XKR4: variants seen among roughly 807,000 people sequenced by gnomAD.
The protein encoded by XKR4 is XK-related protein 4.
XKR4 carries 12 observed loss-of-function variants against 53.9 expected under a neutral mutation model. The ratio of observed to expected loss-of-function variants is 0.22; its 90% CI spans 0.14 to 0.36. XKR4 has a LOEUF of 0.36. Ranked by LOEUF, XKR4 falls within the 10% of genes least tolerant of loss-of-function variation. The probability of loss-of-function intolerance (pLI) is 1.00; values close to 1 mark genes in which losing one functional copy is unlikely to be tolerated. For missense variants in XKR4, 799 were observed against 859.5 expected, an observed-to-expected ratio of 0.93 and a Z score of 0.88; for synonymous variants, 354 against 362.4, an observed-to-expected ratio of 0.98 and a Z score of 0.26.
At chr8:55,152,725 A>G (rs1009096900) in intron 1 of XKR4, among the ~76,000 whole-genome samples, 1 of 152,210 alleles carries the variant, frequency 6.6e-6, no homozygotes, top group East Asian at 1.9e-4. Context: ...AAAAAAATCA[A>G]CTGATTTGTT....
chr8:55,459,866 G>T lies in XKR4; in HGVS notation c.1007-63415G>T, dbSNP rs1805624259. ...TCACTTTAGAAAACAGTTTGATGGGGTTTTTTAAAGTTAAATATTAATAAT... is the reference window on the plus strand; with the variant it reads ...TCACTTTAGAAAACAGTTTGATGGGTTTTTTTAAAGTTAAATATTAATAAT... On this transcript the variant is annotated intron_variant, in intron 2 of 2. Transcript: ENST00000327381. Among the ~76,000 whole-genome samples the T allele has an allele frequency of 7.9e-5, 12 of 152,174 alleles. No individual in the cohort carries two copies. The South Asian group carries it at 2.5e-3, about 32-fold the overall frequency.
In XKR4 at chr8:55,523,347, G is replaced by A. The variant is rs771115839; in HGVS notation, c.1073G>A (p.Arg358Gln). The change falls in exon 3 of 3, where the codon CGG becomes CAG. Residue 358 changes from arginine (R) to glutamine (Q), a missense_variant. Physicochemically the swap from Arg to Gln is conservative, Grantham distance 43. This residue lies in a region of XKR4 where 476 missense variants were observed against 505.4 expected (regional missense o/e 0.94). Transcript: ENST00000327381. ...WALASYQKAL[R>Q]DSRDDKKPIS... The stretch of plus-strand genomic sequence containing the variant: ...TTGGCCTCCTACCAGAAGGCCCTCC[G>A]GGACTCTCGAGATGACAAGAAGCCC... The A allele has an allele frequency of 5.0e-6, 8 of 1,613,970 alleles. No individual in the cohort carries two copies. The highest frequency in any genetic ancestry group is 4.5e-5 in the East Asian group (2 of 44,880).
intron 1 of XKR4, among the ~76,000 whole-genome samples, chr8:55,287,312 A>C (rs1450956947): frequency 6.6e-6 from 1 of 152,198 alleles, no homozygotes; most frequent in Non-Finnish European, 1.5e-5. Flanking sequence ...GAAAAAAGCA[A>C]CCTCATATGG....
intron 1 of XKR4, among the ~76,000 whole-genome samples, chr8:55,316,312 G>A (rs571286229): frequency 1.3e-5 from 2 of 152,270 alleles, no homozygotes; most frequent in South Asian, 2.1e-4. Context: ...AAATAGGACA[G>A]TCACATCCGA....
In XKR4 at chr8:55,403,545, C is replaced by T. The variant is rs370497796; in HGVS notation, c.1006+45668C>T. ...TTAGCCTTTTGGCAGTCAGCCATCA[C>T]GTTATGGCCACCAATTAAGAAATTA... On this transcript the variant is annotated intron_variant, in intron 2 of 2. Coordinates refer to ENST00000327381, the MANE Select transcript of XKR4 (RefSeq NM_052898.2). 4.6e-5 allele frequency among the ~76,000 whole-genome samples: 7 copies of T among 152,338 alleles called. No individual in the cohort carries two copies. In the East Asian group the frequency reaches 7.7e-4, roughly 17 times the overall value.
At chr8:55,182,811 T>C (rs949523864) in intron 1 of XKR4, among the ~76,000 whole-genome samples, 4 of 57,192 alleles carry the variant, frequency 7.0e-5, no homozygotes, top group African/African-American at 4.3e-4. Flanking sequence ...TACAATCAAC[T>C]TAACATATAC....
At chr8:55,382,373 T>G (rs544272894) in intron 2 of XKR4, among the ~76,000 whole-genome samples, 1 of 152,322 alleles carries the variant, frequency 6.6e-6, no homozygotes, top group African/African-American at 2.4e-5. Flanking sequence ...AAGAATAAAA[T>G]GCTAGCTACT....
At chr8:55,177,327 A>T (rs1817249164) in intron 1 of XKR4, among the ~76,000 whole-genome samples, 1 of 152,120 alleles carries the variant, frequency 6.6e-6, no homozygotes, top group Non-Finnish European at 1.5e-5. Flanking sequence ...GTGAGCCACC[A>T]TGCCTGACCA....
chr8:55,259,013 C>G (rs1432826913), intron 1 of XKR4, among the ~76,000 whole-genome samples: 2 of 152,204 alleles, frequency 1.3e-5, no homozygotes, highest in Non-Finnish European at 2.9e-5. Context: ...AAGACAGGCT[C>G]AAGGCAGGGG....
At chr8:55,471,719 T>C (rs563980120) in intron 2 of XKR4, among the ~76,000 whole-genome samples, 2 of 152,144 alleles carry the variant, frequency 1.3e-5, no homozygotes, top group African/African-American at 4.8e-5. Flanking sequence ...AGATCCCTCA[T>C]GAATGGTTAA....
Position 55,218,864 on chromosome 8 carries a change from G to T in XKR4, c.806+115570G>T, listed in dbSNP as rs1236411143. 2.0e-5 allele frequency among the ~76,000 whole-genome samples: 3 copies of T among 152,186 alleles called. No homozygotes were observed. In the East Asian group the frequency reaches 5.8e-4, roughly 29 times the overall value. Reference sequence around the variant, plus strand: ...AGAATCATTACTCGGCTTATGAAGAGCTGTTAGTGTTCTGTAGGAATTGTT... The same window carrying T: ...AGAATCATTACTCGGCTTATGAAGATCTGTTAGTGTTCTGTAGGAATTGTT... On this transcript the variant is annotated intron_variant, in intron 1 of 2. Transcript: ENST00000327381.
At chr8:55,433,787 A>C (rs191204085) in intron 2 of XKR4, among the ~76,000 whole-genome samples, 1 of 152,336 alleles carries the variant, frequency 6.6e-6, no homozygotes, top group East Asian at 1.9e-4. Context: ...GCACTTAGAG[A>C]AGCTGAGGTG....
intron 1 of XKR4, among the ~76,000 whole-genome samples, chr8:55,191,682 ATTC>A (rs765184289): frequency 0.019 from 2,589 of 136,664 alleles, 48 homozygotes; most frequent in African/African-American, 0.053. Flanking sequence ...TTTTAGTACA[ATTC>A]TTTTTTTTTT....
chr8:55,189,745 A>G (rs181314533), intron 1 of XKR4, among the ~76,000 whole-genome samples: 1 of 152,242 alleles, frequency 6.6e-6, no homozygotes, highest in Admixed American at 6.5e-5. Context: ...CTGTATTTGT[A>G]TTTGTCAGCA....
rs575735977 is a variant in XKR4 at position 55,260,204 on chromosome 8, C to G, written c.807-97474C>G. Among the ~76,000 whole-genome samples, 8 of 152,302 alleles carry G rather than the reference C, an allele frequency of 5.3e-5. No individual in the cohort carries two copies. The South Asian group carries it at 1.7e-3, about 32-fold the overall frequency. ...CCCTATTCTTTCCCCTACAGCTGTT[C>G]ACTCTTTAACCTGACTCTCTCAGAG... On this transcript the variant is annotated intron_variant, in intron 1 of 2. Transcript: ENST00000327381.
chr8:55,121,735 T>A (rs1302341950), intron 1 of XKR4, among the ~76,000 whole-genome samples: 1 of 152,048 alleles, frequency 6.6e-6, no homozygotes, highest in Non-Finnish European at 1.5e-5. Context: ...TTTTTGTGGG[T>A]TTTTAAACTT....
intron 2 of XKR4, among the ~76,000 whole-genome samples, chr8:55,403,867 G>A (rs1018118260): frequency 1.3e-5 from 2 of 152,164 alleles, no homozygotes; most frequent in Non-Finnish European, 2.9e-5. Context: ...GCTTTATGGT[G>A]TTCACTGATG....
intron 1 of XKR4, among the ~76,000 whole-genome samples, chr8:55,239,189 A>G (rs1043666367): frequency 2.6e-5 from 4 of 152,206 alleles, no homozygotes; most frequent in African/African-American, 9.7e-5. Flanking sequence ...TTTTTAGGAT[A>G]TTGGAACCTG....
chr8:55,357,904 A>C, intron 2 of XKR4, 27 bp downstream of exon 2: 1 of 1,595,744 alleles, frequency 6.3e-7, no homozygotes, highest in Non-Finnish European at 8.6e-7. Flanking sequence ...TGGTTTCTGA[A>C]TTTGGGGAAA....
Sources: allele counts gnomAD v4.1 joint callset (sites outside exome capture counted in the v4.1 genomes callset), GRCh38; gene constraint gnomAD v4.1.1; regional missense constraint gnomAD v4.1.1; transcripts MANE v1.5; gene names NCBI Gene and HGNC (gene_info 2026-07-23, HGNC 2026-07-21).